Variants in RUFY1 observed in about 807,000 individuals in gnomAD.
The protein encoded by RUFY1 is RUN and FYVE domain-containing protein 1.
RUFY1 carries 54 observed loss-of-function variants against 94.6 expected under a neutral mutation model. The observed-to-expected ratio is 0.57, with a 90% CI of 0.46 to 0.72. RUFY1 has a LOEUF of 0.72. RUFY1 is among the 30% of genes least tolerant of loss of function. The probability of loss-of-function intolerance (pLI) is 0.00; values close to 1 mark genes in which losing one functional copy is unlikely to be tolerated. For synonymous variants in RUFY1, 396 were observed against 347.3 expected, an observed-to-expected ratio of 1.14 and a Z score of -1.56; for missense variants, 883 against 883.9, an observed-to-expected ratio of 1.00 and a Z score of 0.01.
intron 6 of RUFY1, among the ~76,000 whole-genome samples, chr5:179,580,241 G>GTGTATATATA (rs149099074): frequency 0.011 from 1,045 of 93,840 alleles, 18 homozygotes; most frequent in African/African-American, 0.027. Flanking sequence ...GTGTGTGTGT[G>GTGTATATATA]TATATTTTTT....
In RUFY1 at chr5:179,601,995, C is replaced by T. The variant is rs957833348; in HGVS notation, c.1856+9C>T. On this transcript the variant is annotated intron_variant, in intron 15 of 17. Coordinates refer to ENST00000319449, the MANE Select transcript of RUFY1 (RefSeq NM_025158.5). ...GGCCTGCACCTCAGCCAGTAAGAAC[C>T]CCACTCCCCTTGTCTGCCACTGCAG... 6.2e-7 allele frequency: 1 copy of T among 1,606,678 alleles called. No individual in the cohort carries two copies. The highest frequency in any genetic ancestry group is 8.5e-7 in the Non-Finnish European group (1 of 1,173,762).
rs901123085 is a variant in RUFY1 at position 179,576,931 on chromosome 5, A to G, written c.829-144A>G. On this transcript the variant is annotated intron_variant, in intron 5 of 17. Coordinates refer to ENST00000319449, the MANE Select transcript of RUFY1 (RefSeq NM_025158.5). ...GGGTTAGGTTTTTTTGGTTTGTTCAATTGATTTCCACTTCATAGAGCTGGC... is the reference window on the plus strand; with the variant it reads ...GGGTTAGGTTTTTTTGGTTTGTTCAGTTGATTTCCACTTCATAGAGCTGGC... The G allele has an allele frequency of 1.6e-5, 9 of 579,530 alleles. 1 individual carries two copies. The highest frequency in any genetic ancestry group is 1.0e-4 in the South Asian group (4 of 39,194). 35.9% of individuals were successfully genotyped at this position (579,530 alleles called of 1,614,324 possible). A position where few individuals can be genotyped will look rare whatever the true frequency, so the allele number is the denominator to read the frequency against.
intron 8 of RUFY1, among the ~76,000 whole-genome samples, chr5:179,587,179 A>G (rs1410016804): frequency 2.0e-5 from 3 of 151,632 alleles, no homozygotes; most frequent in Admixed American, 2.0e-4. Context: ...TCAACCTCCC[A>G]GTAGCTGGGA....
chr5:179,595,630 C>T lies in RUFY1; in HGVS notation c.1511+667C>T, dbSNP rs188393179. On this transcript the variant is annotated intron_variant, in intron 12 of 17. Coordinates refer to ENST00000319449, the MANE Select transcript of RUFY1 (RefSeq NM_025158.5). ...GCAATGGTGCGATCTCAGCTCACCG[C>T]AATCTCTACCTCCCAGGTTCAAGCA... 5.3e-3 allele frequency among the ~76,000 whole-genome samples: 804 copies of T among 151,928 alleles called. 5 individuals are homozygous for T. The highest frequency in any genetic ancestry group is 8.7e-3 in the Admixed American group (132 of 15,250).
rs1030133501 is a variant in RUFY1, at chr5:179,564,891, A to C, written c.602+2227A>C. Among the ~76,000 whole-genome samples, 10 of 152,188 alleles carry C rather than the reference A, an allele frequency of 6.6e-5. 1 individual carries two copies. The highest frequency in any genetic ancestry group is 5.9e-4 in the Admixed American group (9 of 15,268). ...TAATGACACACTAAAGCTATAAAAA[A>C]AGTAAAGTCCTCTGTGTACTGATAT... On this transcript the variant is annotated intron_variant, in intron 3 of 17. Transcript: ENST00000319449.
intron 4 of RUFY1, among the ~76,000 whole-genome samples, chr5:179,567,830 C>T (rs933079829): frequency 7.2e-5 from 11 of 151,832 alleles, no homozygotes; most frequent in African/African-American, 2.2e-4. Flanking sequence ...CTCGAACCCG[C>T]GAGGCGGAGG....
At chr5:179,604,781 A>G (rs1766869175) in intron 15 of RUFY1, among the ~76,000 whole-genome samples, 1 of 152,080 alleles carries the variant, frequency 6.6e-6, no homozygotes, top group Non-Finnish European at 1.5e-5. Flanking sequence ...CAGGAGTTCA[A>G]GACCAGCCAG....
chr5:179,554,463 G>C (rs139459249), intron 1 of RUFY1, among the ~76,000 whole-genome samples: 1,523 of 152,040 alleles, frequency 0.01, 34 homozygotes, highest in African/African-American at 0.034. Context: ...TTGAACCTGG[G>C]GGGTGGAGGT....
intron 9 of RUFY1, 113 bp downstream of exon 9, chr5:179,589,760 G>C: frequency 1.2e-6 from 1 of 819,916 alleles, no homozygotes. Context: ...AAGGTGCCTT[G>C]CTTATGTCAG....
Position 179,594,848 on chromosome 5 carries a change from C to A in RUFY1, c.1414-18C>A. ...ATGTGGGACAGGCAGAGTATGAACCCTTCCTTTGCTTTTGTAGAATGCAGA... is the reference window on the plus strand; with the variant it reads ...ATGTGGGACAGGCAGAGTATGAACCATTCCTTTGCTTTTGTAGAATGCAGA... On this transcript the variant is annotated intron_variant, in intron 11 of 17. Coordinates refer to ENST00000319449, the MANE Select transcript of RUFY1 (RefSeq NM_025158.5). The A allele has an allele frequency of 6.4e-7, 1 of 1,571,112 alleles. No homozygotes were observed. The highest frequency in any genetic ancestry group is 8.8e-7 in the Non-Finnish European group (1 of 1,142,738).
Position 179,598,713 on chromosome 5 carries a change from G to T in RUFY1, c.1653G>T (p.Leu551Phe), listed in dbSNP as rs1198260098. 1 of 1,614,098 alleles carries T rather than the reference G, an allele frequency of 6.2e-7. No homozygotes were observed. The highest frequency in any genetic ancestry group is 1.7e-4 in the Middle Eastern group (1 of 6,058). The change falls in exon 14 of 18, where the codon TTG becomes TTT. Residue 551 changes from leucine (L) to phenylalanine (F), a missense_variant. Leu to Phe is a conservative substitution (Grantham distance 22, BLOSUM62 0). Transcript: ENST00000319449. ...ACAGCTCAAGCCTGGAGAAAGAATT[G>T]AAATCAGAAAAAGAGCAAAGACAGG... ...HEQCSSLEKELKSEKEQRQAL... is the reference protein window; with the variant it reads ...HEQCSSLEKEFKSEKEQRQAL...
chr5:179,560,648 C>T (rs1762382086), intron 2 of RUFY1, among the ~76,000 whole-genome samples: 1 of 149,246 alleles, frequency 6.7e-6, no homozygotes. Context: ...ATGGCGTGAT[C>T]CCGGGAGGCG....
intron 5 of RUFY1, 67 bp downstream of exon 5, chr5:179,569,492 A>G (rs1581450501): frequency 1.3e-6 from 2 of 1,527,648 alleles, no homozygotes; most frequent in Non-Finnish European, 1.8e-6. Flanking sequence ...AGGATCTGCA[A>G]ACAGGTACTG....
chr5:179,578,567 A>C (rs773545835), intron 6 of RUFY1, among the ~76,000 whole-genome samples: 3 of 151,778 alleles, frequency 2.0e-5, no homozygotes, highest in Non-Finnish European at 2.9e-5. Flanking sequence ...CTTGTTAACA[A>C]GGGTATTCTT....
chr5:179,552,976 T>C (rs1388677640), intron 1 of RUFY1, among the ~76,000 whole-genome samples: 7 of 152,252 alleles, frequency 4.6e-5, no homozygotes, highest in Admixed American at 4.6e-4. Context: ...ACTAGCTTCA[T>C]GGGTGGACAG....
In RUFY1 at chr5:179,577,159, C is replaced by CTTTTTTTT. The variant is rs748319712; in HGVS notation, c.890+46_890+53dup. The CTTTTTTTT allele has an allele frequency of 1.2e-3, 230 of 186,732 alleles. 19 individuals carry two copies. Among genetic ancestry groups the CTTTTTTTT allele is most frequent in the South Asian group, 2.9e-3 (65 of 22,352 alleles). The allele number at this position is 186,732 out of a possible 1,614,324, so 11.6% of individuals were successfully genotyped here. A position where few individuals can be genotyped will look rare whatever the true frequency, so the allele number is the denominator to read the frequency against. On this transcript the variant is annotated intron_variant, in intron 6 of 17. Transcript: ENST00000319449. ...GGAGTAAGTACTGCGTTGTATGTCA[C>CTTTTTTTT]TTTTTTTTTTTTTTTTTTTTTTTTT...
intron 7 of RUFY1, among the ~76,000 whole-genome samples, chr5:179,584,318 G>A (rs902302062): frequency 6.6e-6 from 1 of 152,172 alleles, no homozygotes; most frequent in African/African-American, 2.4e-5. Flanking sequence ...AGAAGTACAG[G>A]CTCTAGAGCC....
chr5:179,598,933 C>A, intron 14 of RUFY1, 112 bp downstream of exon 14: 2 of 1,257,492 alleles, frequency 1.6e-6, no homozygotes, highest in Non-Finnish European at 2.2e-6. Flanking sequence ...CAGGCGGCTC[C>A]AGGGTGTGGG....
chr5:179,555,843 CA>C (rs1426145129), intron 1 of RUFY1: 1 of 253,724 alleles, frequency 3.9e-6, no homozygotes, highest in Non-Finnish European at 7.9e-6. Flanking sequence ...GGGTGTTTCT[CA>C]ATTTTTTGGA....
Sources: allele counts gnomAD v4.1 joint callset (sites outside exome capture counted in the v4.1 genomes callset), GRCh38; gene constraint gnomAD v4.1.1; transcripts MANE v1.5; gene names NCBI Gene and HGNC (gene_info 2026-07-23, HGNC 2026-07-21).